The following ARK2C variants were observed in gnomAD, a reference collection of about 807,000 sequenced individuals.
The protein encoded by ARK2C is arkadia (RNF111) C-terminal like ring finger ubiquitin ligase 2C, also known as E3 ubiquitin-protein ligase ARK2C.
At chr18:46,334,707 TGTGTGTGTGA>T in the ARK2C span, 81,465 of 272,362 alleles carry the variant, frequency 0.3, 7,130 homozygotes, top group Admixed American at 0.34. The surrounding 1 kb of genome is among the most constrained non-coding windows in gnomAD (Gnocchi z 4.4). Flanking sequence ...TGTGTGTGTG[TGTGTGTGTGA>T]GAGAGAGAGA....
chr18:46,433,610 G>A, the ARK2C span: 2 of 1,037,364 alleles, frequency 1.9e-6, no homozygotes, highest in African/African-American at 1.6e-5. Flanking sequence ...CGGGTGTGGC[G>A]GAGACGGGGG....
the ARK2C span, among the ~76,000 whole-genome samples, chr18:46,357,034 A>G: frequency 2.3e-3 from 356 of 152,170 alleles, 3 homozygotes; most frequent in Non-Finnish European, 4.0e-3. Context: ...TGCAAAATCC[A>G]CATTCCCAGG....
the ARK2C span, chr18:46,433,284 C>A: frequency 6.2e-7 from 1 of 1,610,970 alleles, no homozygotes; most frequent in Non-Finnish European, 8.5e-7. Context: ...CTCCCGACTT[C>A]CCGCTGGCCC....
At chr18:46,415,533 AT>A in the ARK2C span, among the ~76,000 whole-genome samples, 1 of 151,804 alleles carries the variant, frequency 6.6e-6, no homozygotes. Flanking sequence ...CTCAAAAAAA[AT>A]AAAAAAAATA....
the ARK2C span, among the ~76,000 whole-genome samples, chr18:46,345,419 T>C: frequency 6.6e-6 from 1 of 152,120 alleles, no homozygotes; most frequent in Non-Finnish European, 1.5e-5. Context: ...CAAGTCTCAG[T>C]TTCCCCCAGC....
At chr18:46,433,119 T>C in the ARK2C span, 452 of 1,222,584 alleles carry the variant, frequency 3.7e-4, 4 homozygotes, top group East Asian at 0.011. Flanking sequence ...CTGCCCCGGG[T>C]GGGCACAAGG....
chr18:46,460,100 C>G, the ARK2C span: 1 of 152,744 alleles, frequency 6.5e-6, no homozygotes, highest in Non-Finnish European at 1.5e-5. Context: ...TGGCAGGACT[C>G]AAGCTCCTCT....
the ARK2C span, among the ~76,000 whole-genome samples, chr18:46,454,151 G>T: frequency 2.0e-5 from 3 of 148,646 alleles, no homozygotes; most frequent in East Asian, 5.8e-4. Context: ...AAAAGGGAAG[G>T]TTAATGAAAC....
At chr18:46,338,161 T>A in the ARK2C span, among the ~76,000 whole-genome samples, 1 of 152,244 alleles carries the variant, frequency 6.6e-6, no homozygotes, top group Non-Finnish European at 1.5e-5. Context: ...GTCTCATTGA[T>A]TTACTGTCCT....
chr18:46,374,927 C>T, the ARK2C span, among the ~76,000 whole-genome samples: 1 of 152,198 alleles, frequency 6.6e-6, no homozygotes. Flanking sequence ...AGGGCCTCCC[C>T]AGTCACTGCA....
At chr18:46,378,296 C>T in the ARK2C span, among the ~76,000 whole-genome samples, 5 of 152,200 alleles carry the variant, frequency 3.3e-5, no homozygotes, top group Admixed American at 6.5e-5. Flanking sequence ...TCTCCCTTTG[C>T]CCATACTACA....
At chr18:46,435,101 G>A in the ARK2C span, among the ~76,000 whole-genome samples, 1 of 152,170 alleles carries the variant, frequency 6.6e-6, no homozygotes, top group Admixed American at 6.5e-5. Context: ...CAGATGAACA[G>A]CAGTTCATCT....
chr18:46,385,441 G>T, the ARK2C span, among the ~76,000 whole-genome samples: 1 of 152,188 alleles, frequency 6.6e-6, no homozygotes, highest in African/African-American at 2.4e-5. Flanking sequence ...AGAGGAAGGT[G>T]TTGCACAAGG....
At chr18:46,442,090 G>A in the ARK2C span, among the ~76,000 whole-genome samples, 1 of 150,500 alleles carries the variant, frequency 6.6e-6, no homozygotes, top group African/African-American at 2.4e-5. Flanking sequence ...GTGAACCCGG[G>A]AGGCGGAGCT....
chr18:46,456,888 C>T, the ARK2C span: 5 of 478,088 alleles, frequency 1.0e-5, no homozygotes, highest in Middle Eastern at 5.9e-4. Flanking sequence ...CGGTGCCCAG[C>T]GCAAGGGCGG....
the ARK2C span, among the ~76,000 whole-genome samples, chr18:46,417,517 C>A: frequency 6.6e-6 from 1 of 152,252 alleles, no homozygotes; most frequent in South Asian, 2.1e-4. Flanking sequence ...CCAGTTCAGT[C>A]CTCACCTTCT....
chr18:46,342,307 C>A, the ARK2C span, among the ~76,000 whole-genome samples: 1 of 152,196 alleles, frequency 6.6e-6, no homozygotes, highest in Non-Finnish European at 1.5e-5. Context: ...TCATCAAGAC[C>A]AAGGCAAGAA....
the ARK2C span, among the ~76,000 whole-genome samples, chr18:46,402,178 T>A: frequency 2.0e-5 from 3 of 152,270 alleles, no homozygotes; most frequent in East Asian, 5.8e-4. Context: ...TGTATATACC[T>A]ATGAAAGCAT....
chr18:46,365,631 G>A, the ARK2C span, among the ~76,000 whole-genome samples: 2 of 152,268 alleles, frequency 1.3e-5, no homozygotes, highest in East Asian at 1.9e-4. Flanking sequence ...AGCCTCCCCA[G>A]TAGCTAGGAT....
Sources: allele counts gnomAD v4.1 joint callset (sites outside exome capture counted in the v4.1 genomes callset), GRCh38; gene constraint gnomAD v4.1.1; non-coding constraint Gnocchi (gnomAD v3.1); transcripts MANE v1.5; gene names NCBI Gene and HGNC (gene_info 2026-07-23, HGNC 2026-07-21).